The following ELMO1 variants were observed in gnomAD, a reference collection of about 807,000 sequenced individuals.
The protein encoded by ELMO1 is engulfment and cell motility protein 1.
In ELMO1, 26 loss-of-function variants were observed where a neutral mutation model predicts 98.9. The ratio of observed to expected loss-of-function variants is 0.26; its 90% CI spans 0.19 to 0.36. The LOEUF is 0.36. ELMO1 is among the 10% of genes least tolerant of loss of function. The pLI, the probability that ELMO1 is intolerant of heterozygous loss-of-function variation, is 1.00. For missense variants in ELMO1, 627 were observed against 935.2 expected, an observed-to-expected ratio of 0.67 and a Z score of 4.30; for synonymous variants, 346 against 346.0, an observed-to-expected ratio of 1.00 and a Z score of 0.00.
chr7:36,917,432 G>A (rs977309106), intron 16 of ELMO1, among the ~76,000 whole-genome samples: 3 of 151,896 alleles, frequency 2.0e-5, no homozygotes, highest in African/African-American at 7.3e-5. Context: ...AACTGACAAG[G>A]GCTTAACACC....
At chr7:36,943,741 T>A (rs1432927382) in intron 16 of ELMO1, among the ~76,000 whole-genome samples, 1 of 152,258 alleles carries the variant, frequency 6.6e-6, no homozygotes, top group African/African-American at 2.4e-5. Flanking sequence ...TTTGCACTTT[T>A]GTTTTCAATT....
chr7:37,125,206 C>T (rs1280121289), intron 14 of ELMO1, among the ~76,000 whole-genome samples: 3 of 152,084 alleles, frequency 2.0e-5, no homozygotes, highest in Non-Finnish European at 2.9e-5. Context: ...TAGGCATTAC[C>T]ATTCAGGACA....
At chr7:37,183,769 T>A (rs928611763) in intron 13 of ELMO1, among the ~76,000 whole-genome samples, 3 of 152,068 alleles carry the variant, frequency 2.0e-5, no homozygotes, top group Non-Finnish European at 4.4e-5. Context: ...GATGAAAAGG[T>A]GGATAGAATT....
chr7:36,899,104 T>A (rs988671666), intron 16 of ELMO1, among the ~76,000 whole-genome samples: 7 of 152,038 alleles, frequency 4.6e-5, no homozygotes, highest in South Asian at 2.1e-4. Context: ...GGTGGGGAAG[T>A]GTTCAGCGGT....
In ELMO1 at chr7:36,975,825, C is replaced by A. The variant is rs539917978; in HGVS notation, c.1437+37474G>T. ...TCGTACCCCTGCACTCCAGCCTGGG[C>A]AACAGAGTGACACTTGCCTGAAAAA... On this transcript the variant is annotated intron_variant, in intron 16 of 21. Coordinates refer to ENST00000310758, the MANE Select transcript of ELMO1 (RefSeq NM_014800.11). 8.2e-5 allele frequency among the ~76,000 whole-genome samples: 11 copies of A among 134,000 alleles called. 1 individual carries two copies. The Middle Eastern group carries it at 0.021, about 258-fold the overall frequency. The allele number at this position is 134,000 out of a possible 152,430, so 87.9% of individuals were successfully genotyped here. A position where few individuals can be genotyped will look rare whatever the true frequency, so the allele number is the denominator to read the frequency against.
chr7:37,112,135 C>G (rs1486426038), intron 14 of ELMO1, among the ~76,000 whole-genome samples: 1 of 152,112 alleles, frequency 6.6e-6, no homozygotes, highest in Non-Finnish European at 1.5e-5. Flanking sequence ...TTCAACACAT[C>G]CTATCTTTCA....
intron 1 of ELMO1, chr7:37,375,899 C>G: frequency 1.5e-6 from 1 of 670,854 alleles, no homozygotes; most frequent in Non-Finnish European, 2.7e-6. Context: ...AACAGAGATA[C>G]GTGCAGACAT....
chr7:37,092,410 G>A (rs1311785856), intron 15 of ELMO1, among the ~76,000 whole-genome samples: 1 of 112,834 alleles, frequency 8.9e-6, no homozygotes, highest in African/African-American at 3.5e-5. Context: ...ACAGAGTCTC[G>A]CTCTGTCGCC....
At chr7:37,129,044 T>C (rs544232380) in intron 14 of ELMO1, among the ~76,000 whole-genome samples, 63 of 152,100 alleles carry the variant, frequency 4.1e-4, no homozygotes, top group African/African-American at 1.4e-3. Context: ...AGGCACATGA[T>C]GTGGGACAGG....
chr7:37,360,193 T>G (rs1016963938), intron 1 of ELMO1, among the ~76,000 whole-genome samples: 5 of 152,190 alleles, frequency 3.3e-5, no homozygotes, highest in African/African-American at 1.2e-4. Flanking sequence ...ATAAGGTGAT[T>G]TTATTTCCAC....
intron 14 of ELMO1, among the ~76,000 whole-genome samples, chr7:37,106,914 T>G (rs150575347): frequency 6.6e-6 from 1 of 152,122 alleles, no homozygotes; most frequent in African/African-American, 2.4e-5. Context: ...TCTGACTCAG[T>G]AGGTGTGGGT....
intron 16 of ELMO1, among the ~76,000 whole-genome samples, chr7:36,944,272 T>C (rs1298097219): frequency 6.6e-6 from 1 of 152,214 alleles, no homozygotes; most frequent in Non-Finnish European, 1.5e-5. Context: ...AATCCCTGCT[T>C]GCCACCTGAC....
At chr7:37,322,227 C>T (rs1228387358) in intron 2 of ELMO1, among the ~76,000 whole-genome samples, 2 of 151,992 alleles carry the variant, frequency 1.3e-5, no homozygotes, top group Non-Finnish European at 2.9e-5. Flanking sequence ...CCTGTTATCC[C>T]AGCACTTTGG....
intron 6 of ELMO1, among the ~76,000 whole-genome samples, chr7:37,258,702 T>C (rs1387873440): frequency 6.6e-6 from 1 of 152,214 alleles, no homozygotes; most frequent in Non-Finnish European, 1.5e-5. Flanking sequence ...TAAAATTACT[T>C]CAGGGATTAT....
intron 15 of ELMO1, among the ~76,000 whole-genome samples, chr7:37,039,145 T>G (rs1795358639): frequency 1.3e-5 from 2 of 152,102 alleles, no homozygotes; most frequent in African/African-American, 4.8e-5. Context: ...AAAAAAAAGA[T>G]TTAGTTTGCA....
At chr7:37,124,615 A>G (rs150274817) in intron 14 of ELMO1, among the ~76,000 whole-genome samples, 2,826 of 152,312 alleles carry the variant, frequency 0.019, 91 homozygotes, top group Non-Finnish European at 0.022. Context: ...ACAACAAACC[A>G]CTGCTCAACA....
chr7:37,405,277 TG>T (rs1803710304), intron 1 of ELMO1, among the ~76,000 whole-genome samples: 1 of 152,180 alleles, frequency 6.6e-6, no homozygotes, highest in African/African-American at 2.4e-5. Context: ...TCCCAGCCCT[TG>T]CACATATTGT....
intron 7 of ELMO1, 105 bp from the exon 8 acceptor site, chr7:37,233,299 T>A: frequency 2.2e-6 from 2 of 921,754 alleles, no homozygotes; most frequent in Non-Finnish European, 3.2e-6. Flanking sequence ...TTTTAAAAGA[T>A]CAAGAGACAA....
At chr7:37,438,697 G>T (rs749104447) in intron 1 of ELMO1, among the ~76,000 whole-genome samples, 36 of 152,184 alleles carry the variant, frequency 2.4e-4, no homozygotes, top group Admixed American at 5.2e-4. Flanking sequence ...AATCATGATT[G>T]CATTTAATCA....
Sources: gnomAD v4.1 joint callset for allele counts (sites outside exome capture counted in the v4.1 genomes callset) on GRCh38, gnomAD v4.1.1 for gene constraint, MANE v1.5 for transcripts, NCBI Gene and HGNC (gene_info 2026-07-23, HGNC 2026-07-21) for gene names.